Variants in PLCG1 observed in about 807,000 individuals in gnomAD.
PLCG1 encodes phospholipase C gamma 1, also known as 1-phosphatidylinositol 4,5-bisphosphate phosphodiesterase gamma-1.
Under a neutral mutation model 177.8 loss-of-function variants are expected in PLCG1, and 71 were observed. That is an observed-to-expected ratio of 0.40 (90% CI 0.33 to 0.49). The LOEUF (loss-of-function observed/expected upper bound fraction) is 0.49, where lower values mean the gene tolerates loss of function less well. PLCG1 is among the 20% of genes least tolerant of loss of function. PLCG1 has a pLI of 0.72. For synonymous variants in PLCG1, 658 were observed against 647.9 expected (o/e 1.02, Z -0.24); for missense variants, 1,281 against 1,709.0 (o/e 0.75, Z 4.42).
intron 1 of PLCG1, among the ~76,000 whole-genome samples, chr20:41,141,142 C>T (rs941811434): frequency 7.9e-5 from 12 of 152,234 alleles, no homozygotes; most frequent in African/African-American, 2.6e-4. Flanking sequence ...ATGAGGTTGT[C>T]CATTTGAGGG....
Position 41,173,381 on chromosome 20 carries a change from A to G in PLCG1, c.3280-39A>G. On this transcript the variant is annotated intron_variant, in intron 27 of 31. Transcript: ENST00000685551. The surrounding 1 kb of genome is among the most constrained non-coding windows in gnomAD (Gnocchi z 6.2). ...TCCGCAGTGGGGAATTGGAGGGAGC[A>G]GGAAGGACAATCCCAGGCCCTTCTT... 7 of 1,524,666 alleles carry G rather than the reference A, an allele frequency of 4.6e-6. No individual in the cohort carries two copies. Among genetic ancestry groups the G allele is most frequent in the Non-Finnish European group, 6.2e-6 (7 of 1,134,040 alleles). 94.4% of individuals were successfully genotyped at this position (1,524,666 alleles called of 1,614,324 possible).
rs534889444 is a variant in PLCG1, at chr20:41,156,653, G to C, written c.218-2953G>C. On this transcript the variant is annotated intron_variant, in intron 1 of 31. Transcript: ENST00000685551. The surrounding 1 kb of genome is among the most constrained non-coding windows in gnomAD (Gnocchi z 5.0). ...GTTGTCCTCTCATGGTTCTGAGTTG[G>C]GGAGGAGTGCTAGGTCATGGATTTT... Among the ~76,000 whole-genome samples the C allele has an allele frequency of 5.3e-5, 8 of 152,302 alleles. No homozygotes were observed. In the South Asian group the frequency reaches 1.7e-3, roughly 32 times the overall value.
At chr20:41,142,374 G>C (rs1019886393) in intron 1 of PLCG1, among the ~76,000 whole-genome samples, 2 of 152,236 alleles carry the variant, frequency 1.3e-5, no homozygotes, top group African/African-American at 4.8e-5. Flanking sequence ...ACTCAGTCCT[G>C]GAGGCGACGG....
chr20:41,166,351 C>T lies in PLCG1; in HGVS notation c.1957C>T (p.Leu653Phe). The T allele has an allele frequency of 6.2e-7, 1 of 1,614,166 alleles. No individual in the cohort carries two copies. The highest frequency in any genetic ancestry group is 8.5e-7 in the Non-Finnish European group (1 of 1,180,054). ...GCGCTGTAATGAGTTTGAGATGCGA[C>T]TTTCAGAGCCTGTCCCACAGACCAA... is the stretch of plus-strand genomic sequence containing the variant. ...PLRCNEFEMR[L>F]SEPVPQTNAH... is the part of the protein sequence containing the mutation. The change falls in exon 17 of 32, where the codon CTT becomes TTT. Residue 653 changes from leucine (L) to phenylalanine (F), a missense_variant. By Grantham distance (22) the Leu-to-Phe change is conservative. Coordinates refer to ENST00000685551, the MANE Select transcript of PLCG1 (RefSeq NM_002660.3). This position sits in a 1 kb window ranked among gnomAD's most constrained non-coding sequence, Gnocchi z 8.6.
intron 1 of PLCG1, among the ~76,000 whole-genome samples, chr20:41,143,163 G>A (rs758211824): frequency 6.6e-6 from 1 of 152,200 alleles, no homozygotes; most frequent in Non-Finnish European, 1.5e-5. Context: ...AGCCCAGGAC[G>A]CTATCTGGAG....
chr20:41,166,710 C>A lies in PLCG1; in HGVS notation c.2152C>A (p.Gln718Lys). 6.2e-7 allele frequency: 1 copy of A among 1,614,158 alleles called. No homozygotes were observed. The highest frequency in any genetic ancestry group is 2.2e-5 in the East Asian group (1 of 44,890). Reference protein sequence around the residue: ...AEGKIKHCRVQQEGQTVMLGN... With the variant: ...AEGKIKHCRVKQEGQTVMLGN... ...GGGCAAGATCAAGCATTGCCGTGTCCAGCAAGAGGGCCAGACAGTGATGCT... is the reference window on the plus strand; with the variant it reads ...GGGCAAGATCAAGCATTGCCGTGTCAAGCAAGAGGGCCAGACAGTGATGCT... Residue 718 changes from glutamine to lysine, a missense_variant, in exon 19 of 32, where the codon CAG becomes AAG. This residue lies in a region of PLCG1 where 723 missense variants were observed against 1,030.0 expected (regional missense o/e 0.70). Coordinates refer to ENST00000685551, the MANE Select transcript of PLCG1 (RefSeq NM_002660.3). This position sits in a 1 kb window ranked among gnomAD's most constrained non-coding sequence, Gnocchi z 8.6.
intron 1 of PLCG1, among the ~76,000 whole-genome samples, chr20:41,145,934 C>T (rs1477656485): frequency 6.6e-6 from 1 of 152,190 alleles, no homozygotes; most frequent in African/African-American, 2.4e-5. Flanking sequence ...GCTGCAGTGG[C>T]TGTGTGCCCA....
In PLCG1 at chr20:41,177,591, G is replaced by A. The variant is rs1429215997; in HGVS notation, c.*3082G>A. On this transcript the variant is annotated 3_prime_UTR_variant, in exon 32 of 32. Coordinates refer to ENST00000685551, the MANE Select transcript of PLCG1 (RefSeq NM_002660.3). ...CTAACTCGGTGAATGAAAGGATCAT[G>A]CCTTCTTCACATTTTAATTAAATGG... The A allele has an allele frequency of 6.6e-6, 1 of 152,244 alleles. No homozygotes were observed. Among genetic ancestry groups the A allele is most frequent in the Admixed American group, 6.5e-5 (1 of 15,290 alleles). The allele number at this position is 152,244 out of a possible 1,614,324, so 9.4% of individuals were successfully genotyped here. A position where few individuals can be genotyped will look rare whatever the true frequency, so the allele number is the denominator to read the frequency against.
Position 41,166,435 on chromosome 20 carries a change from C to CA in PLCG1, c.2001-40dup, listed in dbSNP as rs773790234. 1.9e-6 allele frequency: 3 copies of CA among 1,613,776 alleles called. No individual in the cohort carries two copies. The highest frequency in any genetic ancestry group is 2.5e-6 in the Non-Finnish European group (3 of 1,180,004). ...GGGGGCGGACAAGGCAGGGCAGGGC[C>CA]ATGGGTGGTGCTGGCCGGGCCTGAC... is the stretch of plus-strand genomic sequence containing the variant. On this transcript the variant is annotated intron_variant, in intron 17 of 31. Transcript: ENST00000685551. This position sits in a 1 kb window ranked among gnomAD's most constrained non-coding sequence, Gnocchi z 8.6.
chr20:41,154,607 T>C (rs968188501), intron 1 of PLCG1, among the ~76,000 whole-genome samples: 2 of 151,924 alleles, frequency 1.3e-5, no homozygotes, highest in African/African-American at 4.8e-5. Flanking sequence ...TGACTTGGCC[T>C]GATGTCTCGG....
At chr20:41,141,556 C>T (rs1051500845) in intron 1 of PLCG1, among the ~76,000 whole-genome samples, 6 of 152,200 alleles carry the variant, frequency 3.9e-5, no homozygotes, top group South Asian at 4.1e-4. Context: ...AGGCCCAGGC[C>T]GGTGTCATCA....
chr20:41,141,387 G>C (rs1474141283), intron 1 of PLCG1, among the ~76,000 whole-genome samples: 1 of 152,274 alleles, frequency 6.6e-6, no homozygotes, highest in African/African-American at 2.4e-5. Flanking sequence ...GAGGGTGAGG[G>C]TGGCGGAAGA....
rs1333689058 is a variant in PLCG1, at chr20:41,177,428, TCTTGAACATCACCTGAGAG to T, written c.*2932_*2950del. The T allele has an allele frequency of 3.3e-5, 5 of 152,186 alleles. No homozygotes were observed. Among genetic ancestry groups the T allele is most frequent in the African/African-American group, 9.7e-5 (4 of 41,440 alleles). 9.4% of individuals were successfully genotyped at this position (152,186 alleles called of 1,614,324 possible). A position where few individuals can be genotyped will look rare whatever the true frequency, so the allele number is the denominator to read the frequency against. On this transcript the variant is annotated 3_prime_UTR_variant, in exon 32 of 32. Transcript: ENST00000685551. ...GGGGTCTGCCTCCTGACCAAGCACATCTTGAACATCACCTGAGAGCTTGAACATCACTAAGGACCTAGAC... is the reference window on the plus strand; with the variant it reads ...GGGGTCTGCCTCCTGACCAAGCACATCTTGAACATCACTAAGGACCTAGAC...
At chr20:41,138,406 C>G (rs1273307734) in intron 1 of PLCG1, among the ~76,000 whole-genome samples, 1 of 151,962 alleles carries the variant, frequency 6.6e-6, no homozygotes, top group African/African-American at 2.4e-5. Context: ...GCCTACTCAT[C>G]TCCCTCTGGG....
Position 41,173,342 on chromosome 20 carries a change from A to G in PLCG1, c.3280-78A>G. The stretch of plus-strand genomic sequence containing the variant: ...AGGGCGCGCTGCCTCCACTCCACAG[A>G]TGCTGACTGAGCCTCCGCAGTGGGG... On this transcript the variant is annotated intron_variant, in intron 27 of 31. Coordinates refer to ENST00000685551, the MANE Select transcript of PLCG1 (RefSeq NM_002660.3). The surrounding 1 kb of genome is among the most constrained non-coding windows in gnomAD (Gnocchi z 6.2). The G allele has an allele frequency of 7.0e-7, 1 of 1,432,932 alleles. No homozygotes were observed. Among genetic ancestry groups the G allele is most frequent in the South Asian group, 1.4e-5 (1 of 69,248 alleles). The allele number at this position is 1,432,932 out of a possible 1,614,324, so 88.8% of individuals were successfully genotyped here.
Position 41,166,056 on chromosome 20 carries a change from CCACACCTGAG to C in PLCG1, c.1800-136_1800-127del. 2 of 744,578 alleles carry C rather than the reference CCACACCTGAG, an allele frequency of 2.7e-6. No homozygotes were observed. The highest frequency in any genetic ancestry group is 4.3e-6 in the Non-Finnish European group (2 of 467,890). The allele number at this position is 744,578 out of a possible 1,614,324, so 46.1% of individuals were successfully genotyped here. A position where few individuals can be genotyped will look rare whatever the true frequency, so the allele number is the denominator to read the frequency against. On this transcript the variant is annotated intron_variant, in intron 16 of 31. Coordinates refer to ENST00000685551, the MANE Select transcript of PLCG1 (RefSeq NM_002660.3). The surrounding 1 kb of genome is among the most constrained non-coding windows in gnomAD (Gnocchi z 8.6). The stretch of plus-strand genomic sequence containing the variant: ...CCACACCTTTGGTTCATGTGACTGC[CCACACCTGAG>C]CTCCTCAGGAGATTGGCCTCCCTCC...
At position 41,167,883 on chromosome 20, in the gene PLCG1, G is replaced by A. The variant is rs1027449153; in HGVS notation, c.2333G>A (p.Arg778His). Residue 778 changes from arginine (R) to histidine (H), a missense_variant, in exon 20 of 32, where the codon CGC becomes CAC. This residue lies in a region of PLCG1 where 723 missense variants were observed against 1,030.0 expected (regional missense o/e 0.70). Transcript: ENST00000685551. This position sits in a 1 kb window ranked among gnomAD's most constrained non-coding sequence, Gnocchi z 4.4. ...GACTACGGGGCCCTGTATGAGGGAC[G>A]CAACCCTGGCTTCTATGTAGAGGCA... ...EPDYGALYEG[R>H]NPGFYVEANP... The A allele has an allele frequency of 6.2e-7, 1 of 1,613,694 alleles. No homozygotes were observed. Among genetic ancestry groups the A allele is most frequent in the Non-Finnish European group, 8.5e-7 (1 of 1,179,728 alleles).
In PLCG1 at chr20:41,160,081, C is replaced by T; in HGVS notation, c.465-25C>T. ...GCCTGACTGTAGATGGAGAAGTGGC[C>T]CTCACCTCAGGCTTCTCTCTCCAGG... On this transcript the variant is annotated intron_variant, in intron 3 of 31. Coordinates refer to ENST00000685551, the MANE Select transcript of PLCG1 (RefSeq NM_002660.3). This position sits in a 1 kb window ranked among gnomAD's most constrained non-coding sequence, Gnocchi z 5.5. 6.2e-7 allele frequency: 1 copy of T among 1,613,564 alleles called. No individual in the cohort carries two copies. The highest frequency in any genetic ancestry group is 2.2e-5 in the East Asian group (1 of 44,878).
Position 41,173,323 on chromosome 20 carries a change from C to A in PLCG1, c.3280-97C>A. The A allele has an allele frequency of 7.6e-7, 1 of 1,318,508 alleles. No individual in the cohort carries two copies. Among genetic ancestry groups the A allele is most frequent in the Non-Finnish European group, 1.0e-6 (1 of 977,142 alleles). The allele number at this position is 1,318,508 out of a possible 1,614,324, so 81.7% of individuals were successfully genotyped here. A position where few individuals can be genotyped will look rare whatever the true frequency, so the allele number is the denominator to read the frequency against. On this transcript the variant is annotated intron_variant, in intron 27 of 31. Transcript: ENST00000685551. The surrounding 1 kb of genome is among the most constrained non-coding windows in gnomAD (Gnocchi z 6.2). ...TGTCCCGGGGGCCCAGCAGAGGGCGCGCTGCCTCCACTCCACAGATGCTGA... is the reference window on the plus strand; with the variant it reads ...TGTCCCGGGGGCCCAGCAGAGGGCGAGCTGCCTCCACTCCACAGATGCTGA...
Sources: allele counts gnomAD v4.1 joint callset (sites outside exome capture counted in the v4.1 genomes callset), GRCh38; gene constraint gnomAD v4.1.1; regional missense constraint gnomAD v4.1.1; non-coding constraint Gnocchi (gnomAD v3.1); transcripts MANE v1.5; gene names NCBI Gene and HGNC (gene_info 2026-07-23, HGNC 2026-07-21).